Variants in BRF1 observed in about 807,000 individuals in gnomAD.
BRF1 encodes the protein BRF1 general transcription factor IIIB subunit, also known as transcription factor IIIB 90 kDa subunit.
Under a neutral mutation model 81.7 loss-of-function variants are expected in BRF1, and 59 were observed. The ratio of observed to expected loss-of-function variants is 0.72; its 90% CI spans 0.59 to 0.90. The LOEUF (loss-of-function observed/expected upper bound fraction) is 0.90. Ranked by LOEUF, BRF1 falls within the 40% of genes least tolerant of loss-of-function variation. The pLI is 0.00. For missense variants in BRF1, 1,050 were observed against 936.3 expected, an observed-to-expected ratio of 1.12 and a Z score of -1.58; for synonymous variants, 491 against 395.6, an observed-to-expected ratio of 1.24 and a Z score of -2.86.
chr14:105,215,514 C>T (rs1890988322), intron 15 of BRF1, among the ~76,000 whole-genome samples: 1 of 152,044 alleles, frequency 6.6e-6, no homozygotes. Context: ...CACACACGTA[C>T]TGTGTGCATA....
At position 105,309,804 on chromosome 14, in the gene BRF1, T is replaced by TA. The variant is rs1250991382; in HGVS notation, c.-162+5517dup. On this transcript the variant is annotated intron_variant, in intron 1 of 17. Transcript: ENST00000327359. This position sits in a 1 kb window ranked among gnomAD's most constrained non-coding sequence, Gnocchi z 4.0. ...TTTTTTTTTTTTTTTTTTTTTTTTT[T>TA]AGACGGAGTCTCACTCTCTTGCCCA... Among the ~76,000 whole-genome samples, 1 of 135,100 alleles carries TA rather than the reference T, an allele frequency of 7.4e-6. No individual in the cohort carries two copies. The highest frequency in any genetic ancestry group is 7.4e-5 in the Admixed American group (1 of 13,586). 88.6% of individuals were successfully genotyped at this position (135,100 alleles called of 152,430 possible).
At chr14:105,222,069 A>C (rs1892365083) in intron 10 of BRF1, 155 bp from the exon 11 acceptor site, 7 of 871,482 alleles carry the variant, frequency 8.0e-6, no homozygotes, top group African/African-American at 1.7e-5. Flanking sequence ...GCCTCAGCCC[A>C]CACCTCGCAC....
At chr14:105,218,667 C>T (rs758050644) in intron 14 of BRF1, among the ~76,000 whole-genome samples, 16 of 152,210 alleles carry the variant, frequency 1.1e-4, no homozygotes, top group Non-Finnish European at 8.8e-5. Context: ...TTTCCCAGGG[C>T]GTCAGAAGAG....
intron 1 of BRF1, among the ~76,000 whole-genome samples, chr14:105,306,468 TAA>T (rs2058191231): frequency 6.6e-6 from 1 of 151,940 alleles, no homozygotes. Flanking sequence ...CATGCCCGGC[TAA>T]TTTTTTGTAT....
At position 105,315,027 on chromosome 14, in the gene BRF1, T is replaced by C; in HGVS notation, c.-162+295A>G. ...GGAGGTGGACGGCTCCAGCCCCAGC[T>C]GCGTGCCCAGGTACGCGCCGCCCGC... On this transcript the variant is annotated intron_variant, in intron 1 of 17. Coordinates refer to the BRF1 transcript ENST00000327359. This position sits in a 1 kb window ranked among gnomAD's most constrained non-coding sequence, Gnocchi z 4.4. 8.2e-7 allele frequency: 1 copy of C among 1,216,774 alleles called. No homozygotes were observed. Among genetic ancestry groups the C allele is most frequent in the South Asian group, 1.9e-5 (1 of 53,090 alleles). 75.4% of individuals were successfully genotyped at this position (1,216,774 alleles called of 1,614,324 possible).
At chr14:105,274,486 G>A (rs1193640063) in intron 2 of BRF1, among the ~76,000 whole-genome samples, 1 of 152,166 alleles carries the variant, frequency 6.6e-6, no homozygotes, top group East Asian at 1.9e-4. Flanking sequence ...CATGGTAAGG[G>A]CATGCCCAGC....
intron 5 of BRF1, chr14:105,249,956 G>A: frequency 6.2e-7 from 1 of 1,612,188 alleles, no homozygotes; most frequent in East Asian, 2.2e-5. Context: ...AGAGGCGGTG[G>A]TCTTCGAGGC....
At chr14:105,299,449 C>T (rs1273548834) in intron 1 of BRF1, among the ~76,000 whole-genome samples, 1 of 152,012 alleles carries the variant, frequency 6.6e-6, no homozygotes, top group Non-Finnish European at 1.5e-5. Flanking sequence ...GTGGCATGCA[C>T]CTGTAGTCTC....
intron 1 of BRF1, among the ~76,000 whole-genome samples, chr14:105,289,066 G>A (rs1206521155): frequency 5.3e-5 from 8 of 151,618 alleles, no homozygotes; most frequent in African/African-American, 1.9e-4. Flanking sequence ...GCTAGAACAG[G>A]CCAGGCATAG....
At position 105,209,346 on chromosome 14, in the gene BRF1, C is replaced by G. The variant is rs1439059030; in HGVS notation, c.*1205G>C. The stretch of plus-strand genomic sequence containing the variant: ...TAAATCTATTCTTCCCCCAAGCCCT[C>G]GAGAAGCCCTGGCAGGACCCAGGCT... On this transcript the variant is annotated 3_prime_UTR_variant, in exon 18 of 18. Transcript: ENST00000547530. 1.7e-6 allele frequency: 1 copy of G among 571,718 alleles called. No homozygotes were observed. 35.4% of individuals were successfully genotyped at this position (571,718 alleles called of 1,614,324 possible).
At chr14:105,295,783 GAA>G (rs59076857) in intron 1 of BRF1, among the ~76,000 whole-genome samples, 1 of 124,546 alleles carries the variant, frequency 8.0e-6, no homozygotes, top group Admixed American at 8.2e-5. Context: ...CTTTGTCCCA[GAA>G]AAAAAAAAAA....
chr14:105,219,301 G>A (rs748990033), intron 12 of BRF1, 69 bp from the exon 13 acceptor site: 1 of 1,592,044 alleles, frequency 6.3e-7, no homozygotes, highest in South Asian at 1.1e-5. Context: ...AGGTCGCGCT[G>A]GCCAGCGGGA....
In BRF1 at chr14:105,228,675, T is replaced by G. The variant is rs587652434; in HGVS notation, c.788+145A>C. On this transcript the variant is annotated intron_variant, in intron 7 of 17. Transcript: ENST00000547530. ...CCACCAGCACGTCCAAGCCATAGTG[T>G]GACCGGGGCTGGGCTAGGTCCTGGC... 2.7e-3 allele frequency: 2,272 copies of G among 850,834 alleles called. 4 individuals carry two copies. Among genetic ancestry groups the G allele is most frequent in the Non-Finnish European group, 3.4e-3 (1,798 of 534,874 alleles). 52.7% of individuals were successfully genotyped at this position (850,834 alleles called of 1,614,324 possible).
At chr14:105,211,752 C>T (rs1406860560) in intron 16 of BRF1, 2 of 388,782 alleles carry the variant, frequency 5.1e-6, no homozygotes, top group Non-Finnish European at 4.8e-6. Context: ...CAACAAGTGA[C>T]AGTCCAGGTG....
chr14:105,264,658 C>A (rs1306680385), intron 3 of BRF1, among the ~76,000 whole-genome samples: 2 of 127,256 alleles, frequency 1.6e-5, no homozygotes, highest in African/African-American at 6.1e-5. Flanking sequence ...CAGAATGAGA[C>A]TCCATCTCAA....
rs1280324896 is a variant in BRF1, at chr14:105,211,287, G to A, written c.1831C>T (p.Leu611Phe). 5 of 1,596,172 alleles carry A rather than the reference G, an allele frequency of 3.1e-6. No homozygotes were observed. The highest frequency in any genetic ancestry group is 2.2e-5 in the South Asian group (2 of 89,766). Residue 611 changes from leucine (L) to phenylalanine (F), a missense_variant, in exon 17 of 18, where the codon CTC becomes TTC. Coordinates refer to ENST00000547530, the MANE Select transcript of BRF1 (RefSeq NM_001519.4). Reference sequence around the variant, plus strand: ...GCTCCGAGGGTGGGAGAGCTTGGGAGCAAAGCCTGGAACGAAGTGGGGCTC... The same window carrying A: ...GCTCCGAGGGTGGGAGAGCTTGGGAACAAAGCCTGGAACGAAGTGGGGCTC... Reference protein sequence around the residue: ...AKKVATGEALLPSSPTLGAEP... With the variant: ...AKKVATGEALFPSSPTLGAEP...
intron 1 of BRF1, among the ~76,000 whole-genome samples, chr14:105,311,982 G>A (rs1451913583): frequency 6.6e-6 from 1 of 152,240 alleles, no homozygotes; most frequent in Non-Finnish European, 1.5e-5. Flanking sequence ...CCTCAGCCCA[G>A]CTCCTGGCAG....
intron 15 of BRF1, among the ~76,000 whole-genome samples, chr14:105,213,985 C>T (rs886735994): frequency 5.3e-5 from 8 of 152,230 alleles, no homozygotes; most frequent in African/African-American, 1.2e-4. Flanking sequence ...GGCATCACCT[C>T]GGCCATGGCT....
At chr14:105,294,463 C>T (rs1424247559) in intron 1 of BRF1, among the ~76,000 whole-genome samples, 6 of 152,220 alleles carry the variant, frequency 3.9e-5, no homozygotes, top group East Asian at 1.9e-4. Context: ...TGTGCCTGCC[C>T]GGGAAACCCT....
Sources: allele counts gnomAD v4.1 joint callset (sites outside exome capture counted in the v4.1 genomes callset), GRCh38; gene constraint gnomAD v4.1.1; non-coding constraint Gnocchi (gnomAD v3.1); transcripts MANE v1.5; gene names NCBI Gene and HGNC (gene_info 2026-07-23, HGNC 2026-07-21).